Variants in DPP6 observed in about 807,000 individuals in gnomAD.
The protein encoded by DPP6 is dipeptidyl peptidase like 6.
In DPP6, 69 loss-of-function variants were observed where a neutral mutation model predicts 122.6. The ratio of observed to expected loss-of-function variants is 0.56; its 90% CI spans 0.46 to 0.69. The LOEUF (loss-of-function observed/expected upper bound fraction) is 0.69, where lower values mean the gene tolerates loss of function less well. DPP6 is among the 30% of genes least tolerant of loss of function. The pLI, the probability that DPP6 is intolerant of heterozygous loss-of-function variation, is 0.00. For synonymous variants in DPP6, 418 were observed against 433.1 expected, an observed-to-expected ratio of 0.97 and a Z score of 0.43; for missense variants, 928 against 1,116.9, an observed-to-expected ratio of 0.83 and a Z score of 2.41.
Position 153,967,954 on chromosome 7 carries a change from G to A in DPP6, c.51+80220G>A, listed in dbSNP as rs186971954. Among the ~76,000 whole-genome samples, 148 of 151,426 alleles carry A rather than the reference G, an allele frequency of 9.8e-4. 2 individuals are homozygous for A. Among genetic ancestry groups the A allele is most frequent in the African/African-American group, 3.5e-3 (144 of 40,708 alleles). Reference sequence around the variant, plus strand: ...ATATGTACCACATTTTCTTTATCCAGTTCACCATTGGTGGGCACCTGGGTT... The same window carrying A: ...ATATGTACCACATTTTCTTTATCCAATTCACCATTGGTGGGCACCTGGGTT... On this transcript the variant is annotated intron_variant, in intron 1 of 25. Coordinates refer to the DPP6 transcript ENST00000404039.
At position 154,799,347 on chromosome 7, in the gene DPP6, G is replaced by A. The variant is rs144680276; in HGVS notation, c.1300-2008G>A. Reference sequence around the variant, plus strand: ...ACCCACCAAGTTCCCTCTCCTCTAGGAATATTCCAGAGAAGCAGGCAATCC... The same window carrying A: ...ACCCACCAAGTTCCCTCTCCTCTAGAAATATTCCAGAGAAGCAGGCAATCC... On this transcript the variant is annotated intron_variant, in intron 12 of 25. Transcript: ENST00000377770. 3.0e-3 allele frequency among the ~76,000 whole-genome samples: 463 copies of A among 152,210 alleles called. 2 individuals carry two copies. Among genetic ancestry groups the A allele is most frequent in the Middle Eastern group, 0.014 (4 of 294 alleles).
At chr7:154,753,298 A>T (rs2131472458) in intron 8 of DPP6, among the ~76,000 whole-genome samples, 1 of 152,046 alleles carries the variant, frequency 6.6e-6, no homozygotes, top group South Asian at 2.1e-4. Flanking sequence ...GTGCCCGGTG[A>T]CCCTTCCGAA....
intron 1 of DPP6, among the ~76,000 whole-genome samples, chr7:154,150,948 C>T (rs762596859): frequency 2.0e-5 from 3 of 152,166 alleles, no homozygotes; most frequent in Non-Finnish European, 2.9e-5. Context: ...CTGTCTCCCT[C>T]CTCCACACCT....
In DPP6 at chr7:154,486,638, A is replaced by G. The variant is rs1823822787; in HGVS notation, c.457+11601A>G. 6.6e-6 allele frequency among the ~76,000 whole-genome samples: 1 copy of G among 152,238 alleles called. No homozygotes were observed. ...GTTGTGTACTCCACGATACCGCAGT[A>G]GAACTTTACAAAACTTCAGTCAGAG... On this transcript the variant is annotated intron_variant, in intron 3 of 25. Coordinates refer to ENST00000377770, the MANE Select transcript of DPP6 (RefSeq NM_130797.4). The surrounding 1 kb of genome is among the most constrained non-coding windows in gnomAD (Gnocchi z 4.5).
intron 16 of DPP6, among the ~76,000 whole-genome samples, chr7:154,827,497 G>A (rs1354605796): frequency 1.3e-5 from 2 of 152,106 alleles, no homozygotes; most frequent in African/African-American, 4.8e-5. Context: ...GGGCTGTGGA[G>A]TCAGCCCTGG....
chr7:154,286,559 C>A (rs1337120170), intron 1 of DPP6, among the ~76,000 whole-genome samples: 3 of 152,120 alleles, frequency 2.0e-5, no homozygotes, highest in Admixed American at 6.5e-5. Flanking sequence ...ATTGAGAAGA[C>A]CTGAATTTTA....
rs1353982272 is a variant in DPP6 at position 154,241,621 on chromosome 7, A to T, written c.243+188558A>T. On this transcript the variant is annotated intron_variant, in intron 1 of 25. Transcript: ENST00000377770. The surrounding 1 kb of genome is among the most constrained non-coding windows in gnomAD (Gnocchi z 9.0). ...TCTACTCCAAAATGCCTCCCTATTT[A>T]TTCTTATATTGATTAATGTATTCTT... 1.3e-5 allele frequency among the ~76,000 whole-genome samples: 2 copies of T among 152,142 alleles called. No individual in the cohort carries two copies. The highest frequency in any genetic ancestry group is 2.9e-5 in the Non-Finnish European group (2 of 68,016).
intron 2 of DPP6, among the ~76,000 whole-genome samples, chr7:154,467,601 A>G (rs1414564408): frequency 1.3e-5 from 2 of 152,246 alleles, no homozygotes; most frequent in South Asian, 2.1e-4. Flanking sequence ...GTTTCATTAT[A>G]AATTACCCAG....
chr7:154,086,107 A>C (rs575250689), intron 1 of DPP6, among the ~76,000 whole-genome samples: 1 of 152,282 alleles, frequency 6.6e-6, no homozygotes, highest in South Asian at 2.1e-4. Context: ...GGTTATTTAG[A>C]GATAGAGACA....
chr7:154,713,192 G>A (rs1841295196), intron 7 of DPP6, among the ~76,000 whole-genome samples: 1 of 152,250 alleles, frequency 6.6e-6, no homozygotes, highest in Admixed American at 6.5e-5. Context: ...AGCGCCCATG[G>A]GGGCAGCTCT....
intron 1 of DPP6, among the ~76,000 whole-genome samples, chr7:154,163,994 C>T (rs1797108690): frequency 6.6e-6 from 1 of 152,128 alleles, no homozygotes; most frequent in South Asian, 2.1e-4. Context: ...CAAAGATCCT[C>T]ATCCCTTTCC....
At chr7:154,294,047 A>G (rs1160552307) in intron 1 of DPP6, among the ~76,000 whole-genome samples, 1 of 152,170 alleles carries the variant, frequency 6.6e-6, no homozygotes, top group African/African-American at 2.4e-5. Flanking sequence ...TTTGGTGCAC[A>G]TAGCCAGTAA....
At chr7:153,896,012 G>A (rs1262437261) in intron 1 of DPP6, among the ~76,000 whole-genome samples, 1 of 152,242 alleles carries the variant, frequency 6.6e-6, no homozygotes, top group Non-Finnish European at 1.5e-5. Context: ...TGTTTTGCAA[G>A]GCACCAATTG....
rs1800464388 is a variant in DPP6, at chr7:154,052,840, G to A, written c.20G>A (p.Arg7Lys). 1.3e-6 allele frequency: 2 copies of A among 1,535,414 alleles called. No individual in the cohort carries two copies. The highest frequency in any genetic ancestry group is 2.5e-5 in the East Asian group (1 of 40,300). Reference sequence around the variant, plus strand: ...TGCCCGATGGCTTCGCTGTACCAGAGGTTCACTGGCAAGATCAACACCTCG... The same window carrying A: ...TGCCCGATGGCTTCGCTGTACCAGAAGTTCACTGGCAAGATCAACACCTCG... MASLYQ[R>K]FTGKINTSRS... The change falls in exon 1 of 26, where the codon AGG (arginine) becomes AAG (lysine). Residue 7 changes from arginine (R) to lysine (K), a missense_variant. Arg to Lys is a conservative substitution (Grantham distance 26). Coordinates refer to ENST00000377770, the MANE Select transcript of DPP6 (RefSeq NM_130797.4). The surrounding 1 kb of genome is among the most constrained non-coding windows in gnomAD (Gnocchi z 4.8).
intron 7 of DPP6, among the ~76,000 whole-genome samples, chr7:154,726,191 G>A (rs1842057390): frequency 6.6e-6 from 1 of 152,174 alleles, no homozygotes; most frequent in Non-Finnish European, 1.5e-5. Flanking sequence ...GGAAGACAGT[G>A]GCCCTCTTCT....
At chr7:154,868,459 C>T (rs947535489) in intron 18 of DPP6, among the ~76,000 whole-genome samples, 5 of 152,206 alleles carry the variant, frequency 3.3e-5, no homozygotes, top group African/African-American at 1.2e-4. Context: ...CCTGCCTCAT[C>T]AGCTGGTGGA....
At chr7:154,419,374 C>T (rs548024748) in intron 1 of DPP6, among the ~76,000 whole-genome samples, 4 of 152,314 alleles carry the variant, frequency 2.6e-5, no homozygotes, top group Admixed American at 2.6e-4. Context: ...GTTAAATTCA[C>T]ATTGACTATT....
chr7:154,871,070 G>A lies in DPP6; in HGVS notation c.1814-1554G>A, dbSNP rs552204181. Among the ~76,000 whole-genome samples the A allele has an allele frequency of 2.6e-5, 4 of 151,300 alleles. No homozygotes were observed. In the South Asian group the frequency reaches 6.3e-4, roughly 24 times the overall value. On this transcript the variant is annotated intron_variant, in intron 18 of 25. Transcript: ENST00000377770. ...TCTGTTCTCAGCTCGAGGCTCCTCC[G>A]CAGCCTTGGCGGCCAGACTGTCACC...
At chr7:154,537,039 T>A (rs185741576) in intron 3 of DPP6, among the ~76,000 whole-genome samples, 2 of 152,284 alleles carry the variant, frequency 1.3e-5, no homozygotes, top group East Asian at 3.9e-4. Context: ...ATTATATATG[T>A]CATATCAAAC....
Sources: allele counts gnomAD v4.1 joint callset (sites outside exome capture counted in the v4.1 genomes callset), GRCh38; gene constraint gnomAD v4.1.1; non-coding constraint Gnocchi (gnomAD v3.1); transcripts MANE v1.5; gene names NCBI Gene and HGNC (gene_info 2026-07-23, HGNC 2026-07-21).